Variants in ZC3H12C observed in about 807,000 individuals in gnomAD.
The protein encoded by ZC3H12C is zinc finger CCCH-type containing 12C.
ZC3H12C carries 20 observed loss-of-function variants against 76.3 expected under a neutral mutation model. The observed-to-expected ratio is 0.26, with a 90% CI of 0.18 to 0.38. The LOEUF (loss-of-function observed/expected upper bound fraction) is 0.38. Ranked by LOEUF, ZC3H12C falls within the 10% of genes least tolerant of loss-of-function variation. The pLI is 1.00. For synonymous variants in ZC3H12C, 352 were observed against 399.6 expected (o/e 0.88, Z 1.42); for missense variants, 874 against 1,086.5 (o/e 0.80, Z 2.75).
chr11:110,158,099 G>A (rs1169845154), intron 3 of ZC3H12C, among the ~76,000 whole-genome samples: 1 of 152,206 alleles, frequency 6.6e-6, no homozygotes. Flanking sequence ...GGACAGAGGA[G>A]CAAAAGTAGA....
intron 1 of ZC3H12C, among the ~76,000 whole-genome samples, chr11:110,118,406 G>T (rs968519939): frequency 1.3e-5 from 2 of 152,032 alleles, no homozygotes; most frequent in African/African-American, 4.8e-5. Flanking sequence ...TGTTTCTTTA[G>T]ACATGAACAA....
At chr11:110,123,561 C>T (rs987256944) in intron 1 of ZC3H12C, among the ~76,000 whole-genome samples, 1 of 152,106 alleles carries the variant, frequency 6.6e-6, no homozygotes, top group Non-Finnish European at 1.5e-5. Flanking sequence ...TGACATAGGA[C>T]GGAAAGATTT....
intron 1 of ZC3H12C, among the ~76,000 whole-genome samples, chr11:110,102,173 G>T (rs1268046777): frequency 6.6e-6 from 1 of 150,498 alleles, no homozygotes; most frequent in Non-Finnish European, 1.5e-5. Context: ...TTTTGTTAAG[G>T]TTACAGCTGC....
At chr11:110,113,138 T>G (rs1197760011) in intron 1 of ZC3H12C, among the ~76,000 whole-genome samples, 3 of 152,240 alleles carry the variant, frequency 2.0e-5, no homozygotes, top group Admixed American at 2.0e-4. Context: ...CACATACTTA[T>G]TTCTTAGCTA....
chr11:110,149,718 C>T (rs1862235736), intron 2 of ZC3H12C, among the ~76,000 whole-genome samples: 1 of 152,082 alleles, frequency 6.6e-6, no homozygotes, highest in African/African-American at 2.4e-5. Context: ...ATATCTTTTG[C>T]CTTAAAAAAC....
intron 1 of ZC3H12C, among the ~76,000 whole-genome samples, chr11:110,121,255 G>A (rs78274210): frequency 0.011 from 1,738 of 152,258 alleles, 31 homozygotes; most frequent in African/African-American, 0.039. Flanking sequence ...TCCAGGTATT[G>A]GAAGGCTATT....
At chr11:110,100,676 G>T (rs996021201) in intron 1 of ZC3H12C, among the ~76,000 whole-genome samples, 1 of 152,134 alleles carries the variant, frequency 6.6e-6, no homozygotes, top group African/African-American at 2.4e-5. Context: ...TTGGGGGGGT[G>T]CCAATAGAAG....
At chr11:110,158,686 A>T (rs1862422867) in intron 3 of ZC3H12C, among the ~76,000 whole-genome samples, 1 of 152,242 alleles carries the variant, frequency 6.6e-6, no homozygotes, top group Non-Finnish European at 1.5e-5. Flanking sequence ...TATTGTAGCC[A>T]TGTTTATAAC....
Position 110,160,789 on chromosome 11 carries a change from A to G in ZC3H12C, c.1148+1299A>G, listed in dbSNP as rs1186020094. Among the ~76,000 whole-genome samples the G allele has an allele frequency of 2.0e-5, 3 of 152,338 alleles. No individual in the cohort carries two copies. In the East Asian group the frequency reaches 5.8e-4, roughly 29 times the overall value. ...CTAAAATAAAAACAAAAAGTATAATATAGTAACTATATAAACCAGTAACAT... is the reference window on the plus strand; with the variant it reads ...CTAAAATAAAAACAAAAAGTATAATGTAGTAACTATATAAACCAGTAACAT... On this transcript the variant is annotated intron_variant, in intron 4 of 5. Transcript: ENST00000278590.
chr11:110,134,585 T>G (rs1386559246), intron 1 of ZC3H12C, among the ~76,000 whole-genome samples: 1 of 152,194 alleles, frequency 6.6e-6, no homozygotes. Context: ...TAAAATTCCT[T>G]CCTTCAATTC....
At chr11:110,158,976 A>G (rs530300050) in intron 3 of ZC3H12C, among the ~76,000 whole-genome samples, 12 of 152,334 alleles carry the variant, frequency 7.9e-5, no homozygotes, top group African/African-American at 2.9e-4. Context: ...CTTAAGCAAA[A>G]GCTTCACATA....
chr11:110,105,330 T>G (rs1229241726), intron 1 of ZC3H12C, among the ~76,000 whole-genome samples: 1 of 152,176 alleles, frequency 6.6e-6, no homozygotes, highest in Non-Finnish European at 1.5e-5. Context: ...CTAGAACAGA[T>G]ATTAAATGAG....
intron 1 of ZC3H12C, among the ~76,000 whole-genome samples, chr11:110,111,624 C>T (rs1861430715): frequency 6.6e-6 from 1 of 151,644 alleles, no homozygotes; most frequent in Non-Finnish European, 1.5e-5. Context: ...CTGAATCTCC[C>T]TGGCTCAAGG....
intron 1 of ZC3H12C, among the ~76,000 whole-genome samples, chr11:110,121,256 G>T (rs1194629628): frequency 6.6e-6 from 1 of 152,190 alleles, no homozygotes; most frequent in Non-Finnish European, 1.5e-5. Flanking sequence ...CCAGGTATTG[G>T]AAGGCTATTA....
intron 1 of ZC3H12C, among the ~76,000 whole-genome samples, chr11:110,093,653 C>T (rs374470039): frequency 1.3e-5 from 2 of 151,944 alleles, no homozygotes; most frequent in Non-Finnish European, 2.9e-5. Flanking sequence ...GAAAGCCCAG[C>T]GCATCCTCCC....
At chr11:110,101,848 C>T (rs1179648429) in intron 1 of ZC3H12C, among the ~76,000 whole-genome samples, 2 of 152,004 alleles carry the variant, frequency 1.3e-5, no homozygotes, top group Non-Finnish European at 2.9e-5. Flanking sequence ...CCTCACCCAG[C>T]CCAATGCTAT....
At chr11:110,147,008 C>A (rs1396894043) in intron 2 of ZC3H12C, among the ~76,000 whole-genome samples, 3 of 152,182 alleles carry the variant, frequency 2.0e-5, no homozygotes, top group Non-Finnish European at 4.4e-5. Flanking sequence ...GGTCACCTCG[C>A]GGTGGGTTTC....
chr11:110,120,652 A>AG (rs1346251951), intron 1 of ZC3H12C, among the ~76,000 whole-genome samples: 1 of 152,178 alleles, frequency 6.6e-6, no homozygotes, highest in African/African-American at 2.4e-5. Flanking sequence ...AAAAATCACA[A>AG]GTGTTAATTT....
rs1401401857 is a variant in ZC3H12C, at chr11:110,114,769, C to T, written c.21+21337C>T. ...TTTAAGTTATATGTCTAAATTATAC[C>T]ACTGTCAATAAAATAAACTCCTCAT... On this transcript the variant is annotated intron_variant, in intron 1 of 5. Coordinates refer to ENST00000278590, the MANE Select transcript of ZC3H12C (RefSeq NM_033390.2). Among the ~76,000 whole-genome samples the T allele has an allele frequency of 2.6e-5, 4 of 152,206 alleles. No individual in the cohort carries two copies. The East Asian group carries it at 7.7e-4, about 29-fold the overall frequency.
Sources: gnomAD v4.1 joint callset for allele counts (sites outside exome capture counted in the v4.1 genomes callset) on GRCh38, gnomAD v4.1.1 for gene constraint, MANE v1.5 for transcripts, NCBI Gene and HGNC (gene_info 2026-07-23, HGNC 2026-07-21) for gene names.